Variants in CDH19 observed in about 807,000 individuals in gnomAD.
The protein encoded by CDH19 is cadherin 19.
A neutral mutation model predicts 64.2 loss-of-function variants in CDH19; 67 were observed. The observed-to-expected ratio is 1.04, with a 90% CI of 0.86 to 1.28. The LOEUF is 1.28. Ranked by LOEUF, CDH19 falls within the 50% of genes most tolerant of loss-of-function variation. CDH19 has a pLI of 0.00. For synonymous variants in CDH19, 346 were observed against 319.3 expected (o/e 1.08, Z -0.89); for missense variants, 1,030 against 929.0 (o/e 1.11, Z -1.41).
At chr18:66,598,062 C>T (rs1467453041) in intron 1 of CDH19, among the ~76,000 whole-genome samples, 1 of 152,122 alleles carries the variant, frequency 6.6e-6, no homozygotes, top group Non-Finnish European at 1.5e-5. Flanking sequence ...CCAAATATCA[C>T]TAATCATTAG....
chr18:66,582,601 A>G (rs1214340587), intron 1 of CDH19, among the ~76,000 whole-genome samples: 1 of 144,184 alleles, frequency 6.9e-6, no homozygotes, highest in East Asian at 2.0e-4. Context: ...TTATTTATGA[A>G]CTCTCATTAA....
intron 3 of CDH19, among the ~76,000 whole-genome samples, chr18:66,562,996 T>G (rs1014792960): frequency 6.6e-6 from 1 of 152,128 alleles, no homozygotes; most frequent in African/African-American, 2.4e-5. Flanking sequence ...ACTATTCTCA[T>G]GCAGATGTTT....
chr18:66,601,644 C>T (rs1401307068), intron 1 of CDH19, among the ~76,000 whole-genome samples: 1 of 151,794 alleles, frequency 6.6e-6, no homozygotes, highest in Non-Finnish European at 1.5e-5. Context: ...CACATTTTGA[C>T]AAAGGTATGT....
intron 9 of CDH19, among the ~76,000 whole-genome samples, chr18:66,528,560 C>T (rs1276519104): frequency 6.6e-6 from 1 of 152,076 alleles, no homozygotes; most frequent in Non-Finnish European, 1.5e-5. Flanking sequence ...TTTTCAAAAA[C>T]ATTTTGGAAA....
chr18:66,553,206 T>C (rs1344698574), intron 4 of CDH19, among the ~76,000 whole-genome samples: 1 of 134,596 alleles, frequency 7.4e-6, no homozygotes, highest in Non-Finnish European at 1.5e-5. Flanking sequence ...TTATATCTTG[T>C]TTTTGTTACT....
chr18:66,579,822 C>A (rs188778141), intron 1 of CDH19, among the ~76,000 whole-genome samples: 1 of 152,020 alleles, frequency 6.6e-6, no homozygotes, highest in Non-Finnish European at 1.5e-5. Context: ...GAAAGTATTG[C>A]CAGTTTTTTT....
At chr18:66,592,762 C>A (rs1988779955) in intron 1 of CDH19, among the ~76,000 whole-genome samples, 2 of 151,642 alleles carry the variant, frequency 1.3e-5, no homozygotes, top group Admixed American at 1.3e-4. Flanking sequence ...GTATATACAC[C>A]ACATTTTATT....
At position 66,503,453 on chromosome 18, in the gene CDH19, T is replaced by G. The variant is rs1985033126; in HGVS notation, c.*1359A>C. 1 of 151,878 alleles carries G rather than the reference T, an allele frequency of 6.6e-6. No individual in the cohort carries two copies. The highest frequency in any genetic ancestry group is 2.4e-5 in the African/African-American group (1 of 41,438). 9.4% of individuals were successfully genotyped at this position (151,878 alleles called of 1,614,324 possible). ...TCCCATGAATGGTAAGTCAGTTCAG[T>G]TGATCATAATATTTACAGTGAATAG... is the stretch of plus-strand genomic sequence containing the variant. On this transcript the variant is annotated 3_prime_UTR_variant, in exon 12 of 12. Coordinates refer to ENST00000262150, the MANE Select transcript of CDH19 (RefSeq NM_021153.4).
In CDH19 at chr18:66,501,901, C is replaced by T. The variant is rs1237512773; in HGVS notation, c.*2911G>A. The T allele has an allele frequency of 6.6e-6, 1 of 152,010 alleles. No homozygotes were observed. The highest frequency in any genetic ancestry group is 2.4e-5 in the African/African-American group (1 of 41,426). The allele number at this position is 152,010 out of a possible 1,614,324, so 9.4% of individuals were successfully genotyped here. A position where few individuals can be genotyped will look rare whatever the true frequency, so the allele number is the denominator to read the frequency against. ...GGCTCAAGCACATGCACTGAGGGAA[C>T]AACTAGCAGTTCGCTAGTCCTAATT... On this transcript the variant is annotated 3_prime_UTR_variant, in exon 12 of 12. Transcript: ENST00000262150.
intron 2 of CDH19, among the ~76,000 whole-genome samples, chr18:66,570,920 T>G (rs1046483247): frequency 1.3e-5 from 2 of 151,530 alleles, no homozygotes; most frequent in Non-Finnish European, 3.0e-5. Flanking sequence ...CATTCAGTGA[T>G]GGGAGAGTAT....
At chr18:66,530,994 A>G (rs1986422274) in intron 8 of CDH19, among the ~76,000 whole-genome samples, 1 of 152,102 alleles carries the variant, frequency 6.6e-6, no homozygotes, top group African/African-American at 2.4e-5. Context: ...GCCTCTCACC[A>G]CAGGTAAGAA....
At chr18:66,566,667 T>A (rs569824827) in intron 3 of CDH19, among the ~76,000 whole-genome samples, 2 of 152,006 alleles carry the variant, frequency 1.3e-5, no homozygotes, top group South Asian at 4.1e-4. Context: ...TCTGTCTTAA[T>A]CTTAGCCTCA....
chr18:66,516,984 A>G (rs912761351), intron 9 of CDH19, among the ~76,000 whole-genome samples: 4 of 152,078 alleles, frequency 2.6e-5, no homozygotes, highest in African/African-American at 9.7e-5. Flanking sequence ...TTTCTTGCAA[A>G]ACTTGATATC....
rs571116499 is a variant in CDH19 at position 66,509,189 on chromosome 18, A to G, written c.1634T>C (p.Val545Ala). The G allele has an allele frequency of 2.5e-6, 4 of 1,612,704 alleles. No homozygotes were observed. The highest frequency in any genetic ancestry group is 1.7e-4 in the Middle Eastern group (1 of 6,052). ...GGCAATTAAGATGGAGATGTAGAAG[A>G]CAGGTTCTTCTTGAAGGTTAAAACC... ...RTGFNLQEEP[V>A]FYISILIADN... The change falls in exon 11 of 12, where the codon GTC (valine) becomes GCC (alanine). Residue 545 changes from valine to alanine, a missense_variant. Physicochemically the swap from Val to Ala is moderately conservative, Grantham distance 64 (BLOSUM62 0). Transcript: ENST00000262150.
intron 10 of CDH19, among the ~76,000 whole-genome samples, chr18:66,510,892 A>T (rs552959607): frequency 1.3e-5 from 2 of 151,736 alleles, no homozygotes; most frequent in East Asian, 3.9e-4. Context: ...TTGAGTAATA[A>T]ATCAACTGTG....
chr18:66,545,147 T>G (rs1192311767), intron 5 of CDH19, among the ~76,000 whole-genome samples: 1 of 151,748 alleles, frequency 6.6e-6, no homozygotes, highest in Non-Finnish European at 1.5e-5. Context: ...CCCGGCTAAT[T>G]TTTTGTATTT....
chr18:66,575,709 G>A (rs894152864), intron 1 of CDH19, among the ~76,000 whole-genome samples: 5 of 151,818 alleles, frequency 3.3e-5, no homozygotes, highest in Non-Finnish European at 5.9e-5. Flanking sequence ...ATGATTAAAT[G>A]AGTCCTTCAA....
At chr18:66,518,300 C>A (rs1481511895) in intron 9 of CDH19, among the ~76,000 whole-genome samples, 1 of 152,038 alleles carries the variant, frequency 6.6e-6, no homozygotes, top group Admixed American at 6.6e-5. Context: ...ACGGTGCGAT[C>A]TCGGCTCACT....
intron 9 of CDH19, among the ~76,000 whole-genome samples, chr18:66,527,043 A>ATG (rs1986248404): frequency 9.0e-6 from 1 of 110,822 alleles, no homozygotes; most frequent in African/African-American, 4.1e-5. Context: ...ATGTATATAT[A>ATG]TATATGTGTG....
Sources: gnomAD v4.1 joint callset for allele counts (sites outside exome capture counted in the v4.1 genomes callset) on GRCh38, gnomAD v4.1.1 for gene constraint, MANE v1.5 for transcripts, NCBI Gene and HGNC (gene_info 2026-07-23, HGNC 2026-07-21) for gene names.